Variants in SRP72 observed in about 807,000 individuals in gnomAD.
The protein encoded by SRP72 is signal recognition particle subunit SRP72.
Under a neutral mutation model 96.3 loss-of-function variants are expected in SRP72, and 49 were observed. That is an observed-to-expected ratio of 0.51 (90% CI 0.40 to 0.65). The LOEUF (loss-of-function observed/expected upper bound fraction) is 0.65, where lower values mean the gene tolerates loss of function less well. Ranked by LOEUF, SRP72 falls within the 30% of genes least tolerant of loss-of-function variation. The pLI is 0.00. For synonymous variants in SRP72, 267 were observed against 275.2 expected (o/e 0.97, Z 0.30); for missense variants, 736 against 793.3 (o/e 0.93, Z 0.87).
At chr4:56,491,811 A>T in intron 16 of SRP72, 1 of 334,424 alleles carries the variant, frequency 3.0e-6, no homozygotes, top group Non-Finnish European at 5.4e-6. Context: ...ACACACACAG[A>T]TGGTTTACAA....
At position 56,467,639 on chromosome 4, in the gene SRP72, G is replaced by A. The variant is rs1483607207; in HGVS notation, c.4G>A (p.Ala2Thr). The A allele has an allele frequency of 1.3e-6, 2 of 1,558,572 alleles. No homozygotes were observed. Among genetic ancestry groups the A allele is most frequent in the South Asian group, 2.3e-5 (2 of 85,234 alleles). ...CCCGCCCCTCGTCTCCTCCAAGATG[G>A]CGAGCGGCGGCAGCGGGGGGGTGTC... MASGGSGGVSVP... is the reference protein window; with the variant it reads MTSGGSGGVSVP... The change falls in exon 1 of 19, where the codon GCG becomes ACG. Residue 2 changes from alanine to threonine, a missense_variant. Transcript: ENST00000642900.
At chr4:56,469,418 A>G (rs1164297333) in intron 1 of SRP72, among the ~76,000 whole-genome samples, 1 of 152,204 alleles carries the variant, frequency 6.6e-6, no homozygotes, top group East Asian at 1.9e-4. Context: ...TCTTTATCTC[A>G]TTGAAAATTT....
At chr4:56,496,615 T>C (rs1020985444) in intron 17 of SRP72, among the ~76,000 whole-genome samples, 2 of 152,204 alleles carry the variant, frequency 1.3e-5, no homozygotes, top group Non-Finnish European at 2.9e-5. Context: ...ACAAGTGATA[T>C]ATGCTCATTC....
At chr4:56,499,037 C>A (rs1029905319) in intron 17 of SRP72, among the ~76,000 whole-genome samples, 6 of 152,080 alleles carry the variant, frequency 3.9e-5, no homozygotes, top group African/African-American at 1.2e-4. Context: ...CTACAGTAAC[C>A]AAAACAGAAT....
chr4:56,476,258 G>T, intron 5 of SRP72: 1 of 202,110 alleles, frequency 4.9e-6, no homozygotes, highest in Non-Finnish European at 9.8e-6. Context: ...CTCCAGCCTG[G>T]GCAACAGAGT....
chr4:56,485,081 T>A (rs1011012675), intron 10 of SRP72, among the ~76,000 whole-genome samples: 1 of 152,192 alleles, frequency 6.6e-6, no homozygotes, highest in Non-Finnish European at 1.5e-5. Context: ...ATATTTGTTA[T>A]AAATGCTGAA....
At chr4:56,486,503 G>A (rs1391250001) in intron 11 of SRP72, 106 bp downstream of exon 11, 4 of 835,526 alleles carry the variant, frequency 4.8e-6, no homozygotes, top group Non-Finnish European at 7.1e-6. Context: ...TAATAGTAAA[G>A]CATAATAATT....
chr4:56,475,888 T>A (rs1720199326), intron 5 of SRP72: 1 of 152,180 alleles, frequency 6.6e-6, no homozygotes, highest in South Asian at 2.1e-4. Context: ...GGAATATTCA[T>A]AAGAACAGAA....
At chr4:56,481,383 C>T (rs929908624) in intron 8 of SRP72, among the ~76,000 whole-genome samples, 3 of 152,140 alleles carry the variant, frequency 2.0e-5, no homozygotes, top group African/African-American at 7.2e-5. Context: ...TTGTGCTTCT[C>T]AGGATGCAAT....
Position 56,502,869 on chromosome 4 carries a change from A to C in SRP72, c.*1008A>C, listed in dbSNP as rs1481941263. 1 of 152,172 alleles carries C rather than the reference A, an allele frequency of 6.6e-6. No homozygotes were observed. The highest frequency in any genetic ancestry group is 1.5e-5 in the Non-Finnish European group (1 of 68,036). The allele number at this position is 152,172 out of a possible 1,614,324, so 9.4% of individuals were successfully genotyped here. On this transcript the variant is annotated 3_prime_UTR_variant, in exon 19 of 19. Transcript: ENST00000642900. ...TTGATTACCTTTCTCAATGTAATGA[A>C]GTATTTTACAGTCAATTTGTGGTGT...
chr4:56,479,264 C>T (rs1720374002), intron 8 of SRP72, among the ~76,000 whole-genome samples: 2 of 152,098 alleles, frequency 1.3e-5, no homozygotes, highest in South Asian at 4.1e-4. Flanking sequence ...ACTGCAACCT[C>T]CGCCTCCCGC....
In SRP72 at chr4:56,491,540, A is replaced by T. The variant is rs2110127951; in HGVS notation, c.1612A>T (p.Thr538Ser). 6.2e-7 allele frequency: 1 copy of T among 1,613,930 alleles called. No individual in the cohort carries two copies. The highest frequency in any genetic ancestry group is 2.2e-5 in the East Asian group (1 of 44,824). ...TYIRKKGGKV[T>S]GDSQPKEQGQ... is the part of the protein sequence containing the mutation. ...CATTCGGAAGAAGGGTGGAAAAGTT[A>T]CTGGAGATAGTCAACCAAAGGAACA... is the stretch of plus-strand genomic sequence containing the variant. Residue 538 changes from threonine to serine, a missense_variant, in exon 16 of 19, where the codon ACT (threonine) becomes TCT (serine). By Grantham distance (58) the Thr-to-Ser change is moderately conservative. This residue lies in a region of SRP72 where 388 missense variants were observed against 431.8 expected (regional missense o/e 0.90). Transcript: ENST00000642900.
At chr4:56,499,230 A>G (rs1265391062) in intron 17 of SRP72, among the ~76,000 whole-genome samples, 2 of 152,198 alleles carry the variant, frequency 1.3e-5, no homozygotes, top group Non-Finnish European at 1.5e-5. Flanking sequence ...AAATTAACTC[A>G]AGATGGATTA....
chr4:56,470,700 G>C (rs1719938259), intron 2 of SRP72, among the ~76,000 whole-genome samples: 1 of 152,082 alleles, frequency 6.6e-6, no homozygotes, highest in South Asian at 2.1e-4. Flanking sequence ...AAAATAAAAG[G>C]GAAATAGAGG....
At chr4:56,471,579 A>G in intron 2 of SRP72, 141 bp from the exon 3 acceptor site, 2 of 861,460 alleles carry the variant, frequency 2.3e-6, no homozygotes, top group East Asian at 5.8e-5. Context: ...AAGCTATCTG[A>G]TATTTAGACA....
chr4:56,469,784 C>G lies in SRP72; in HGVS notation c.230+11C>G. 1 of 1,600,962 alleles carries G rather than the reference C, an allele frequency of 6.2e-7. No individual in the cohort carries two copies. Among genetic ancestry groups the G allele is most frequent in the South Asian group, 1.1e-5 (1 of 89,968 alleles). On this transcript the variant is annotated intron_variant, in intron 2 of 18. Transcript: ENST00000642900. The stretch of plus-strand genomic sequence containing the variant: ...CAAAGTGTTAGCCAAGTAAGTGATT[C>G]AGTTAGTTGCTTGTACAGTTATTAG...
chr4:56,473,002 A>G (rs750765002), intron 3 of SRP72, among the ~76,000 whole-genome samples: 1 of 152,140 alleles, frequency 6.6e-6, no homozygotes. Flanking sequence ...AATGAAGATT[A>G]TAGCGAACTC....
chr4:56,490,097 A>G (rs979109860), intron 13 of SRP72, among the ~76,000 whole-genome samples: 2 of 152,186 alleles, frequency 1.3e-5, no homozygotes, highest in African/African-American at 4.8e-5. Flanking sequence ...TAGACACTAA[A>G]TAGATATAGG....
At chr4:56,472,117 T>C (rs907795918) in intron 3 of SRP72, among the ~76,000 whole-genome samples, 6 of 152,204 alleles carry the variant, frequency 3.9e-5, no homozygotes, top group Non-Finnish European at 8.8e-5. Flanking sequence ...GTTAGAAAGA[T>C]GAAGCACATT....
Sources: allele counts gnomAD v4.1 joint callset (sites outside exome capture counted in the v4.1 genomes callset), GRCh38; gene constraint gnomAD v4.1.1; regional missense constraint gnomAD v4.1.1; transcripts MANE v1.5; gene names NCBI Gene and HGNC (gene_info 2026-07-23, HGNC 2026-07-21).